The following LRP1B variants were observed in gnomAD, a reference collection of about 807,000 sequenced individuals.
LRP1B encodes low-density lipoprotein receptor-related protein 1B.
In LRP1B, 217 loss-of-function variants were observed where a neutral mutation model predicts 556.6. The observed-to-expected ratio is 0.39, with a 90% CI of 0.35 to 0.44. The LOEUF is 0.44. LRP1B is among the 20% of genes least tolerant of loss of function. The pLI, the probability that LRP1B is intolerant of heterozygous loss-of-function variation, is 1.00. For missense variants in LRP1B, 5,053 were observed against 5,620.8 expected, an observed-to-expected ratio of 0.90 and a Z score of 3.23; for synonymous variants, 2,047 against 1,865.8, an observed-to-expected ratio of 1.10 and a Z score of -2.50.
At chr2:141,036,793 G>A (rs902648524) in intron 11 of LRP1B, among the ~76,000 whole-genome samples, 5 of 151,878 alleles carry the variant, frequency 3.3e-5, no homozygotes, top group Non-Finnish European at 7.4e-5. Context: ...GAATAGGAGC[G>A]AAAGCTGTCT....
In LRP1B at chr2:141,174,774, A is replaced by G. The variant is rs116928538; in HGVS notation, c.1013+13647T>C. Among the ~76,000 whole-genome samples the G allele has an allele frequency of 1.7e-3, 259 of 152,256 alleles. 2 individuals are homozygous for G. Among genetic ancestry groups the G allele is most frequent in the East Asian group, 5.0e-3 (26 of 5,156 alleles). ...GTGAAAGCAACTTTGAAACTGGGTAACAGTCAGAGGTTGAAACAGTTTAGA... is the reference window on the plus strand; with the variant it reads ...GTGAAAGCAACTTTGAAACTGGGTAGCAGTCAGAGGTTGAAACAGTTTAGA... On this transcript the variant is annotated intron_variant, in intron 7 of 90. Coordinates refer to ENST00000389484, the MANE Select transcript of LRP1B (RefSeq NM_018557.3).
At chr2:141,682,695 G>A (rs969083888) in intron 2 of LRP1B, among the ~76,000 whole-genome samples, 1 of 152,024 alleles carries the variant, frequency 6.6e-6, no homozygotes, top group Admixed American at 6.6e-5. Context: ...GGGATAGAAG[G>A]GTTTTCTTAC....
intron 3 of LRP1B, among the ~76,000 whole-genome samples, chr2:141,330,498 C>T (rs1264989991): frequency 7.2e-5 from 11 of 152,084 alleles, no homozygotes; most frequent in Non-Finnish European, 1.6e-4. Context: ...GTTAAAATTT[C>T]AAAACTCTGT....
At chr2:141,608,090 G>A (rs1687980668) in intron 2 of LRP1B, among the ~76,000 whole-genome samples, 1 of 151,982 alleles carries the variant, frequency 6.6e-6, no homozygotes, top group Non-Finnish European at 1.5e-5. Context: ...TGGGTGTGGT[G>A]GTGCATGCCT....
In LRP1B at chr2:141,064,951, C is replaced by T. The variant is rs555009599; in HGVS notation, c.1014-2678G>A. 1.2e-3 allele frequency among the ~76,000 whole-genome samples: 188 copies of T among 151,980 alleles called. 1 individual carries two copies. Among genetic ancestry groups the T allele is most frequent in the Non-Finnish European group, 1.6e-3 (110 of 67,882 alleles). Reference sequence around the variant, plus strand: ...AGTAAATGGTGCTCTGCAAACTCCACGATCCTGTGGATCCTTATGATTTCC... The same window carrying T: ...AGTAAATGGTGCTCTGCAAACTCCATGATCCTGTGGATCCTTATGATTTCC... On this transcript the variant is annotated intron_variant, in intron 7 of 90. Coordinates refer to ENST00000389484, the MANE Select transcript of LRP1B (RefSeq NM_018557.3).
intron 43 of LRP1B, among the ~76,000 whole-genome samples, chr2:140,571,136 A>G (rs1474981717): frequency 6.6e-6 from 1 of 151,808 alleles, no homozygotes; most frequent in Non-Finnish European, 1.5e-5. Flanking sequence ...CTATCACTCA[A>G]CATAATACTG....
At chr2:140,863,969 T>C (rs560096525) in intron 27 of LRP1B, among the ~76,000 whole-genome samples, 179 of 151,878 alleles carry the variant, frequency 1.2e-3, no homozygotes, top group Non-Finnish European at 2.4e-3. Flanking sequence ...GAGGAATATA[T>C]GTGCATTTAA....
chr2:141,310,682 C>G (rs1686780159), intron 3 of LRP1B, among the ~76,000 whole-genome samples: 1 of 152,024 alleles, frequency 6.6e-6, no homozygotes, highest in Non-Finnish European at 1.5e-5. Context: ...AAAGAATAGG[C>G]TTTTAAATTT....
At chr2:141,511,638 A>G (rs2105153455) in intron 2 of LRP1B, among the ~76,000 whole-genome samples, 1 of 152,286 alleles carries the variant, frequency 6.6e-6, no homozygotes, top group South Asian at 2.1e-4. Context: ...TACAGCTTTT[A>G]TTTAGTCAGC....
chr2:141,155,338 A>G (rs548939447), intron 7 of LRP1B, among the ~76,000 whole-genome samples: 12 of 152,010 alleles, frequency 7.9e-5, no homozygotes, highest in Non-Finnish European at 1.2e-4. Context: ...ATATTTATAT[A>G]TGGTTTTGCA....
At chr2:141,409,468 A>G (rs1460610571) in intron 3 of LRP1B, among the ~76,000 whole-genome samples, 1 of 152,096 alleles carries the variant, frequency 6.6e-6, no homozygotes, top group African/African-American at 2.4e-5. Flanking sequence ...TACATAAGAG[A>G]CGTTCAATAC....
intron 85 of LRP1B, among the ~76,000 whole-genome samples, chr2:140,271,664 T>C (rs1682467606): frequency 6.6e-6 from 1 of 151,934 alleles, no homozygotes; most frequent in African/African-American, 2.4e-5. Context: ...GCAGTGTAAC[T>C]ATGTACAAGA....
At chr2:141,052,562 G>C (rs1454360110) in intron 10 of LRP1B, among the ~76,000 whole-genome samples, 2 of 152,006 alleles carry the variant, frequency 1.3e-5, no homozygotes, top group African/African-American at 4.8e-5. Flanking sequence ...CAAAAGTAAA[G>C]TAGGATAACT....
intron 25 of LRP1B, among the ~76,000 whole-genome samples, chr2:140,868,561 T>C (rs1023158213): frequency 1.3e-5 from 2 of 152,108 alleles, no homozygotes; most frequent in African/African-American, 4.8e-5. Flanking sequence ...AGGAGTGATA[T>C]TTATACTAAA....
At chr2:141,433,333 T>C (rs1022147743) in intron 3 of LRP1B, among the ~76,000 whole-genome samples, 2 of 152,068 alleles carry the variant, frequency 1.3e-5, no homozygotes, top group Non-Finnish European at 2.9e-5. Context: ...TCCTAGAAAG[T>C]GGTCCGTGTG....
At chr2:141,909,526 ATTTTTTTTTTTTTTTTT>A (rs377577096) in intron 1 of LRP1B, among the ~76,000 whole-genome samples, 56 of 93,378 alleles carry the variant, frequency 6.0e-4, no homozygotes, top group Middle Eastern at 6.3e-3. Context: ...GGTCTCAGAC[ATTTTTTTTTTTTTTTTT>A]TTTTTTTTTT....
chr2:140,655,942 C>CAAAAAAAAAAAAAAAAA (rs369787900), intron 41 of LRP1B, among the ~76,000 whole-genome samples: 33 of 146,186 alleles, frequency 2.3e-4, no homozygotes, highest in Admixed American at 5.5e-4. Flanking sequence ...GACTCCGTCT[C>CAAAAAAAAAAAAAAAAA]AAAAAAAACA....
At chr2:141,880,494 C>A (rs1207769465) in intron 1 of LRP1B, among the ~76,000 whole-genome samples, 47 of 151,276 alleles carry the variant, frequency 3.1e-4, no homozygotes, top group Admixed American at 3.1e-3. Context: ...CTACAAGCAA[C>A]AAAAAACTAA....
intron 11 of LRP1B, among the ~76,000 whole-genome samples, chr2:141,043,003 G>A (rs1397350038): frequency 7.0e-6 from 1 of 142,056 alleles, no homozygotes; most frequent in Non-Finnish European, 1.5e-5. Flanking sequence ...ACCAGCTGGG[G>A]CAACATGGTG....
Sources: gnomAD v4.1 joint callset for allele counts (sites outside exome capture counted in the v4.1 genomes callset) on GRCh38, gnomAD v4.1.1 for gene constraint, MANE v1.5 for transcripts, NCBI Gene and HGNC (gene_info 2026-07-23, HGNC 2026-07-21) for gene names.